Variants in PLEKHA5 observed in about 807,000 individuals in gnomAD.
PLEKHA5 encodes the protein pleckstrin homology domain containing A5.
A neutral mutation model predicts 181.9 loss-of-function variants in PLEKHA5; 55 were observed. The observed-to-expected ratio is 0.30, with a 90% CI of 0.24 to 0.38. PLEKHA5 has a LOEUF of 0.38. Ranked by LOEUF, PLEKHA5 falls within the 10% of genes least tolerant of loss-of-function variation. The pLI, the probability that PLEKHA5 is intolerant of heterozygous loss-of-function variation, is 1.00. For synonymous variants in PLEKHA5, 535 were observed against 529.4 expected, an observed-to-expected ratio of 1.01 and a Z score of -0.15; for missense variants, 1,432 against 1,549.5, an observed-to-expected ratio of 0.92 and a Z score of 1.27.
At chr12:19,317,093 G>A (rs774988217) in intron 16 of PLEKHA5, among the ~76,000 whole-genome samples, 40 of 152,058 alleles carry the variant, frequency 2.6e-4, no homozygotes, top group Admixed American at 9.2e-4. Flanking sequence ...CAGGCTTGTC[G>A]AGGTGGCTTA....
At chr12:19,293,134 A>G (rs1220682276) in intron 15 of PLEKHA5, among the ~76,000 whole-genome samples, 2 of 152,210 alleles carry the variant, frequency 1.3e-5, no homozygotes, top group Non-Finnish European at 2.9e-5. Flanking sequence ...ATTTTATCAA[A>G]TAAAGAGGTT....
At chr12:19,169,005 C>T (rs2151626934) in intron 3 of PLEKHA5, among the ~76,000 whole-genome samples, 1 of 152,238 alleles carries the variant, frequency 6.6e-6, no homozygotes, top group East Asian at 1.9e-4. Context: ...CTTTAAGCTA[C>T]TGGCACATGA....
intron 3 of PLEKHA5, among the ~76,000 whole-genome samples, chr12:19,162,072 G>A (rs1271391463): frequency 6.6e-6 from 1 of 152,108 alleles, no homozygotes; most frequent in Non-Finnish European, 1.5e-5. Flanking sequence ...ATAATGGAAG[G>A]AAATGCTAAA....
intron 3 of PLEKHA5, among the ~76,000 whole-genome samples, chr12:19,187,076 T>C (rs1397304774): frequency 6.6e-6 from 1 of 152,218 alleles, no homozygotes; most frequent in Admixed American, 6.5e-5. Flanking sequence ...TGAATGTCTT[T>C]ATCAGTACTC....
At chr12:19,231,436 T>C (rs2060523377) in intron 3 of PLEKHA5, among the ~76,000 whole-genome samples, 1 of 151,650 alleles carries the variant, frequency 6.6e-6, no homozygotes, top group Admixed American at 6.6e-5. Flanking sequence ...CACATAAATA[T>C]GTGCAATTTT....
Position 19,235,840 on chromosome 12 carries a change from T to C in PLEKHA5, c.228-18100T>C, listed in dbSNP as rs2061336640. 3.9e-5 allele frequency among the ~76,000 whole-genome samples: 6 copies of C among 152,302 alleles called. No homozygotes were observed. In the South Asian group the frequency reaches 1.2e-3, roughly 32 times the overall value. ...TTCTTGCAAAGAAGAAAAATAATTGTCAGTATTCAATATGAGCTGAAATGT... is the reference window on the plus strand; with the variant it reads ...TTCTTGCAAAGAAGAAAAATAATTGCCAGTATTCAATATGAGCTGAAATGT... On this transcript the variant is annotated intron_variant, in intron 3 of 31. Transcript: ENST00000429027.
chr12:19,140,200 A>G (rs1289055212), intron 3 of PLEKHA5, among the ~76,000 whole-genome samples: 3 of 152,232 alleles, frequency 2.0e-5, no homozygotes, highest in East Asian at 3.8e-4. Flanking sequence ...GTAAACAATA[A>G]ATAAGTACAT....
At chr12:19,234,872 T>TCC (rs2061177225) in intron 3 of PLEKHA5, among the ~76,000 whole-genome samples, 2 of 152,200 alleles carry the variant, frequency 1.3e-5, no homozygotes, top group Non-Finnish European at 2.9e-5. Flanking sequence ...TATATTTTAA[T>TCC]CTTCATACAG....
At chr12:19,310,689 G>T (rs2152983870) in intron 15 of PLEKHA5, among the ~76,000 whole-genome samples, 1 of 152,112 alleles carries the variant, frequency 6.6e-6, no homozygotes, top group East Asian at 1.9e-4. Flanking sequence ...AGCCAAGGCG[G>T]GCGGATTGCT....
At chr12:19,172,548 AT>A (rs2046156315) in intron 3 of PLEKHA5, among the ~76,000 whole-genome samples, 1 of 152,256 alleles carries the variant, frequency 6.6e-6, no homozygotes, top group Admixed American at 6.5e-5. Flanking sequence ...ATCAGTAGTC[AT>A]TAGGGAAATG....
intron 10 of PLEKHA5, among the ~76,000 whole-genome samples, chr12:19,271,850 C>A (rs569085674): frequency 6.6e-5 from 10 of 152,294 alleles, no homozygotes; most frequent in African/African-American, 2.2e-4. Context: ...CCTGCGTGCC[C>A]AGCTTAGAGT....
At chr12:19,173,308 C>T (rs568307221) in intron 3 of PLEKHA5, among the ~76,000 whole-genome samples, 6 of 152,090 alleles carry the variant, frequency 3.9e-5, no homozygotes, top group Non-Finnish European at 8.8e-5. Flanking sequence ...CAGGCGTGAG[C>T]CACCGCGCCC....
At chr12:19,179,819 A>T (rs541906767) in intron 3 of PLEKHA5, among the ~76,000 whole-genome samples, 2 of 152,324 alleles carry the variant, frequency 1.3e-5, no homozygotes, top group East Asian at 3.9e-4. Flanking sequence ...AAAGACACAC[A>T]ATAATAACCT....
In PLEKHA5 at chr12:19,353,951, A is replaced by G; in HGVS notation, c.3087A>G (p.Ile1029Met). The G allele has an allele frequency of 6.2e-7, 1 of 1,610,422 alleles. No homozygotes were observed. Among genetic ancestry groups the G allele is most frequent in the Non-Finnish European group, 8.5e-7 (1 of 1,176,798 alleles). Residue 1029 changes from isoleucine to methionine, a missense_variant, in exon 26 of 32, where the codon ATA becomes ATG. Around this residue, in one of 2 missense-constraint regions of PLEKHA5, gnomAD observed 1,143 missense variants for 1,168.4 expected, o/e 0.98. Transcript: ENST00000429027. Reference sequence around the variant, plus strand: ...CACCAACACCCGAATCTTCGACAATAGCTTCCTATGTAACCTTGAGGAAAA... The same window carrying G: ...CACCAACACCCGAATCTTCGACAATGGCTTCCTATGTAACCTTGAGGAAAA... ...AKSPTPESST[I>M]ASYVTLRKTK... is the part of the protein sequence containing the mutation.
intron 20 of PLEKHA5, among the ~76,000 whole-genome samples, chr12:19,335,478 C>T (rs974904656): frequency 1.1e-4 from 16 of 150,406 alleles, no homozygotes; most frequent in African/African-American, 3.9e-4. Flanking sequence ...TGCAATGGTG[C>T]AATCTCGGCT....
At chr12:19,305,118 A>G (rs1273929707) in intron 15 of PLEKHA5, among the ~76,000 whole-genome samples, 6 of 152,160 alleles carry the variant, frequency 3.9e-5, no homozygotes, top group Non-Finnish European at 5.9e-5. Context: ...CAGGGACCAG[A>G]CTAGGCCTTC....
intron 3 of PLEKHA5, among the ~76,000 whole-genome samples, chr12:19,242,106 G>A (rs1413114617): frequency 6.6e-6 from 1 of 152,182 alleles, no homozygotes; most frequent in Non-Finnish European, 1.5e-5. Flanking sequence ...TAACTCTGCT[G>A]TAATACTCGG....
At position 19,314,839 on chromosome 12, in the gene PLEKHA5, C is replaced by T. The variant is rs1238910000; in HGVS notation, c.2063C>T (p.Thr688Ile). 6.5e-7 allele frequency: 1 copy of T among 1,546,084 alleles called. No homozygotes were observed. The highest frequency in any genetic ancestry group is 8.8e-7 in the Non-Finnish European group (1 of 1,142,050). The change falls in exon 16 of 32, where the codon ACC becomes ATC. Residue 688 changes from threonine to isoleucine, a missense_variant. By Grantham distance (89) the Thr-to-Ile change is moderately conservative. Coordinates refer to ENST00000429027, the MANE Select transcript of PLEKHA5 (RefSeq NM_001256470.2). ...ATGAAAGAAAATGAACCTATTATCA[C>T]CATGGTTCACACAATGATTGAGAAC... is the stretch of plus-strand genomic sequence containing the variant. ...HQMKENEPII[T>I]MVHTMIENSA...
chr12:19,298,366 T>A (rs1041421575), intron 15 of PLEKHA5, among the ~76,000 whole-genome samples: 2 of 151,782 alleles, frequency 1.3e-5, no homozygotes, highest in African/African-American at 2.4e-5. Context: ...TACATTATTA[T>A]CATGGGTCTG....
Sources: gnomAD v4.1 joint callset for allele counts (sites outside exome capture counted in the v4.1 genomes callset) on GRCh38, gnomAD v4.1.1 for gene constraint, gnomAD v4.1.1 regional missense constraint, MANE v1.5 for transcripts, NCBI Gene and HGNC (gene_info 2026-07-23, HGNC 2026-07-21) for gene names.